The following PSME4 variants were observed in gnomAD, a reference collection of about 807,000 sequenced individuals.
The protein encoded by PSME4 is proteasome activator complex subunit 4.
In PSME4, 89 loss-of-function variants were observed where a neutral mutation model predicts 253.9. The ratio of observed to expected loss-of-function variants is 0.35; its 90% CI spans 0.30 to 0.42. The LOEUF is 0.42. Ranked by LOEUF, PSME4 falls within the 10% of genes least tolerant of loss-of-function variation. The pLI is 1.00. For missense variants in PSME4, 2,014 were observed against 2,195.2 expected, an observed-to-expected ratio of 0.92 and a Z score of 1.65; for synonymous variants, 851 against 759.2, an observed-to-expected ratio of 1.12 and a Z score of -1.99.
At chr2:53,879,716 C>T (rs187494602) in intron 41 of PSME4, among the ~76,000 whole-genome samples, 10 of 149,890 alleles carry the variant, frequency 6.7e-5, no homozygotes, top group Admixed American at 3.4e-4. Context: ...CAATGAATAC[C>T]CCTTGAGCCC....
chr2:53,961,336 T>C (rs1010941200), intron 1 of PSME4, among the ~76,000 whole-genome samples: 1 of 152,090 alleles, frequency 6.6e-6, no homozygotes, highest in African/African-American at 2.4e-5. Context: ...TCTACAAAGG[T>C]TAGACAGAAA....
chr2:53,949,054 G>T, intron 2 of PSME4, 89 bp downstream of exon 2: 1 of 1,406,294 alleles, frequency 7.1e-7, no homozygotes, highest in Non-Finnish European at 9.3e-7. Context: ...TTGAGACTTG[G>T]TCTTCTTACC....
At chr2:53,956,972 T>C (rs1423399220) in intron 1 of PSME4, among the ~76,000 whole-genome samples, 2 of 152,156 alleles carry the variant, frequency 1.3e-5, no homozygotes, top group African/African-American at 2.4e-5. Context: ...GCAACTGATA[T>C]GTTTAAAACC....
chr2:53,936,018 C>G (rs1031310426), intron 7 of PSME4, 69 bp downstream of exon 7: 2 of 1,539,636 alleles, frequency 1.3e-6, no homozygotes, highest in East Asian at 4.8e-5. Flanking sequence ...CTCAGCCACC[C>G]GAGCAGCTGG....
chr2:53,928,591 CTATTT>C (rs894941963), intron 10 of PSME4, among the ~76,000 whole-genome samples: 1 of 152,098 alleles, frequency 6.6e-6, no homozygotes, highest in Non-Finnish European at 1.5e-5. Context: ...TATAATTGTT[CTATTT>C]TATGATTGTT....
intron 35 of PSME4, 47 bp from the exon 36 acceptor site, chr2:53,893,007 C>A: frequency 6.5e-7 from 1 of 1,531,546 alleles, no homozygotes; most frequent in Non-Finnish European, 8.9e-7. Flanking sequence ...ACTATCATCT[C>A]GATTATAATT....
Position 53,932,771 on chromosome 2 carries a change from A to G in PSME4, c.958-11T>C, listed in dbSNP as rs183612332. 8.7e-6 allele frequency: 14 copies of G among 1,602,228 alleles called. No homozygotes were observed. On this transcript the variant is annotated splice_polypyrimidine_tract_variant and intron_variant, in intron 8 of 46. Transcript: ENST00000404125. ...CTTACTTGGTCCACCCTGTCCAGATAAAAGAGTAAAAATGTCAGTACCCAC... is the reference window on the plus strand; with the variant it reads ...CTTACTTGGTCCACCCTGTCCAGATGAAAGAGTAAAAATGTCAGTACCCAC...
chr2:53,940,998 T>TATATATGTATATGA (rs1553338492), intron 3 of PSME4, among the ~76,000 whole-genome samples: 8 of 85,906 alleles, frequency 9.3e-5, no homozygotes, highest in Non-Finnish European at 1.7e-4. Flanking sequence ...TATATATATA[T>TATATATGTATATGA]ATGAAAGGAG....
In PSME4 at chr2:53,864,345, T is replaced by C. The variant is rs2104403806; in HGVS notation, c.*1233A>G. The C allele has an allele frequency of 6.6e-6, 1 of 152,524 alleles. No individual in the cohort carries two copies. Among genetic ancestry groups the C allele is most frequent in the South Asian group, 2.1e-4 (1 of 4,820 alleles). 9.4% of individuals were successfully genotyped at this position (152,524 alleles called of 1,614,324 possible). ...GAAGATACCTTTCACTCTATAAACT[T>C]GTCATAGGCAAACATGTGGTGTTAG... On this transcript the variant is annotated 3_prime_UTR_variant, in exon 47 of 47. Transcript: ENST00000404125.
intron 27 of PSME4, among the ~76,000 whole-genome samples, chr2:53,903,513 A>G (rs946872369): frequency 6.6e-6 from 1 of 152,138 alleles, no homozygotes; most frequent in African/African-American, 2.4e-5. Flanking sequence ...CTTATCCTGT[A>G]TAATTTCCTT....
intron 1 of PSME4, among the ~76,000 whole-genome samples, chr2:53,960,466 C>T (rs1053662173): frequency 6.6e-6 from 1 of 150,468 alleles, no homozygotes; most frequent in Non-Finnish European, 1.5e-5. Flanking sequence ...ATGCATATTT[C>T]GGTGGCAAGG....
intron 1 of PSME4, among the ~76,000 whole-genome samples, chr2:53,958,854 G>A (rs1312611231): frequency 6.8e-6 from 1 of 147,308 alleles, no homozygotes; most frequent in Non-Finnish European, 1.5e-5. Flanking sequence ...TTCCTGTATA[G>A]CATCCAGATA....
intron 21 of PSME4, 120 bp downstream of exon 21, chr2:53,909,955 G>A: frequency 1.1e-6 from 1 of 887,646 alleles, no homozygotes; most frequent in Non-Finnish European, 1.9e-6. Flanking sequence ...GGGAGACAGA[G>A]TGAGACTCTG....
intron 20 of PSME4, among the ~76,000 whole-genome samples, chr2:53,910,667 G>A (rs1667788964): frequency 6.6e-6 from 1 of 152,106 alleles, no homozygotes; most frequent in African/African-American, 2.4e-5. Context: ...AGGCTACCCT[G>A]AGCCTATAAG....
chr2:53,905,600 G>A (rs75125553), intron 26 of PSME4, among the ~76,000 whole-genome samples: 6,807 of 152,222 alleles, frequency 0.045, 216 homozygotes, highest in Middle Eastern at 0.071. Flanking sequence ...TATTTGGGAG[G>A]CTGAGATAAG....
In PSME4 at chr2:53,875,699, T is replaced by G. The variant is rs758197063; in HGVS notation, c.4872A>C (p.Leu1624Phe). Residue 1624 changes from leucine (L) to phenylalanine (F), a missense_variant, in exon 42 of 47, where the codon TTA becomes TTC. Around this residue, in one of 4 missense-constraint regions of PSME4, gnomAD observed 403 missense variants for 556.1 expected, o/e 0.72. Transcript: ENST00000404125. ...ACCCCTGAGACATTAATGATAAACA[T>G]AACTTTGCATCTCTTTTCAGTTCAT... ...SYDELKRDAK[L>F]CLSLMSQGLL... is the part of the protein sequence containing the mutation. The G allele has an allele frequency of 6.2e-7, 1 of 1,613,004 alleles. No homozygotes were observed.
At chr2:53,959,327 T>C (rs1372598321) in intron 1 of PSME4, among the ~76,000 whole-genome samples, 1 of 152,018 alleles carries the variant, frequency 6.6e-6, no homozygotes, top group Non-Finnish European at 1.5e-5. Context: ...ACCATGCCAC[T>C]GTACTACAGC....
At chr2:53,889,318 T>G (rs1490237142) in intron 37 of PSME4, among the ~76,000 whole-genome samples, 1 of 152,204 alleles carries the variant, frequency 6.6e-6, no homozygotes, top group African/African-American at 2.4e-5. Context: ...ATATAACCTA[T>G]GCACATCCTC....
intron 44 of PSME4, among the ~76,000 whole-genome samples, chr2:53,867,800 T>A (rs529648758): frequency 6.6e-6 from 1 of 152,274 alleles, no homozygotes; most frequent in South Asian, 2.1e-4. Context: ...CGTGGTTTTT[T>A]TTTTCTGGAT....
Sources: allele counts gnomAD v4.1 joint callset (sites outside exome capture counted in the v4.1 genomes callset), GRCh38; gene constraint gnomAD v4.1.1; regional missense constraint gnomAD v4.1.1; transcripts MANE v1.5; gene names NCBI Gene and HGNC (gene_info 2026-07-23, HGNC 2026-07-21).